Variants in RASGEF1C observed in about 807,000 individuals in gnomAD.
The protein encoded by RASGEF1C is ras-GEF domain-containing family member 1C.
In RASGEF1C, 27 loss-of-function variants were observed where a neutral mutation model predicts 58.1. The observed-to-expected ratio is 0.46, with a 90% CI of 0.34 to 0.64. RASGEF1C has a LOEUF of 0.64. Among genes scored for constraint, RASGEF1C ranks in the 30% least tolerant of loss-of-function variants. RASGEF1C has a pLI of 0.01. For missense variants in RASGEF1C, 502 were observed against 605.1 expected (o/e 0.83, Z 1.79); for synonymous variants, 243 against 246.3 (o/e 0.99, Z 0.13).
At chr5:180,121,221 G>C in intron 6 of RASGEF1C, 72 bp from the exon 7 acceptor site, 1 of 1,029,584 alleles carries the variant, frequency 9.7e-7, no homozygotes, top group Non-Finnish European at 1.5e-6. Context: ...CATGAAGTCA[G>C]TTCATGATCC....
intron 1 of RASGEF1C, among the ~76,000 whole-genome samples, chr5:180,152,398 T>A (rs1405374848): frequency 6.6e-6 from 1 of 151,560 alleles, no homozygotes; most frequent in Non-Finnish European, 1.5e-5. Context: ...AAATGAAGAG[T>A]TCATGTCTTT....
chr5:180,131,278 G>T (rs1766363885), intron 4 of RASGEF1C, among the ~76,000 whole-genome samples: 1 of 152,184 alleles, frequency 6.6e-6, no homozygotes, highest in South Asian at 2.1e-4. Context: ...CTCTGGCCAG[G>T]CTTGGTGGCC....
rs562660128 is a variant in RASGEF1C at position 180,150,548 on chromosome 5, G to A, written c.-6-12490C>T. Among the ~76,000 whole-genome samples, 61 of 151,618 alleles carry A rather than the reference G, an allele frequency of 4.0e-4. 1 individual carries two copies. The highest frequency in any genetic ancestry group is 1.5e-4 in the Non-Finnish European group (10 of 67,918). On this transcript the variant is annotated intron_variant, in intron 1 of 13. Transcript: ENST00000361132. ...CAGGGATTAAAAAAAAAAAAATGTT[G>A]GCTGGGTGCTGTGGCTCACACCTGT...
chr5:180,190,803 C>T (rs986248398), intron 1 of RASGEF1C, among the ~76,000 whole-genome samples: 3 of 152,212 alleles, frequency 2.0e-5, no homozygotes, highest in South Asian at 2.1e-4. Context: ...AACACCAAAA[C>T]ATGATTTTAA....
At chr5:180,139,817 C>G (rs10903248) in intron 1 of RASGEF1C, among the ~76,000 whole-genome samples, 140,175 of 152,240 alleles carry the variant, frequency 0.92, 65,658 homozygotes, top group East Asian at 1. Context: ...TGCCCAGGGC[C>G]CGGCAGCTCA....
intron 1 of RASGEF1C, among the ~76,000 whole-genome samples, chr5:180,146,480 G>C (rs1422703407): frequency 1.3e-5 from 2 of 151,856 alleles, no homozygotes; most frequent in African/African-American, 2.4e-5. Flanking sequence ...TGTTGAGGTA[G>C]TTTCCTTCTA....
intron 1 of RASGEF1C, among the ~76,000 whole-genome samples, chr5:180,191,340 G>A (rs1220655774): frequency 6.6e-6 from 1 of 150,392 alleles, no homozygotes; most frequent in African/African-American, 2.4e-5. Context: ...GCTTATAAAT[G>A]TTCACAGTAG....
chr5:180,184,572 A>C (rs1387783346), intron 1 of RASGEF1C, among the ~76,000 whole-genome samples: 2 of 152,168 alleles, frequency 1.3e-5, no homozygotes, highest in African/African-American at 4.8e-5. Flanking sequence ...GCAAGACTCC[A>C]TCTCAAAAAA....
chr5:180,174,774 G>A (rs963227844), intron 1 of RASGEF1C, among the ~76,000 whole-genome samples: 3 of 152,152 alleles, frequency 2.0e-5, no homozygotes, highest in Admixed American at 6.5e-5. Flanking sequence ...ACACACGATC[G>A]TGACCGGTTC....
chr5:180,141,073 G>A (rs1474965763), intron 1 of RASGEF1C, among the ~76,000 whole-genome samples: 1 of 152,208 alleles, frequency 6.6e-6, no homozygotes, highest in Non-Finnish European at 1.5e-5. Context: ...TAGTCTTTCT[G>A]TAGCTTCTTT....
intron 4 of RASGEF1C, among the ~76,000 whole-genome samples, chr5:180,134,300 TC>T (rs1272018305): frequency 6.6e-6 from 1 of 151,836 alleles, no homozygotes; most frequent in African/African-American, 2.4e-5. Context: ...CCTATTCCAG[TC>T]CACACTACAC....
In RASGEF1C at chr5:180,155,221, C is replaced by A. The variant is rs1249955196; in HGVS notation, c.-6-17163G>T. ...TATGCTAGCTCATGTCTGGCTGCCC[C>A]GAGCAGTGGTAGCATCACGTCTAGG... On this transcript the variant is annotated intron_variant, in intron 1 of 13. Transcript: ENST00000361132. The surrounding 1 kb of genome is among the most constrained non-coding windows in gnomAD (Gnocchi z 5.2). Among the ~76,000 whole-genome samples, 1 of 152,174 alleles carries A rather than the reference C, an allele frequency of 6.6e-6. No individual in the cohort carries two copies. The highest frequency in any genetic ancestry group is 1.5e-5 in the Non-Finnish European group (1 of 68,042).
intron 13 of RASGEF1C, among the ~76,000 whole-genome samples, chr5:180,101,775 A>T (rs1765788190): frequency 6.6e-6 from 1 of 152,222 alleles, no homozygotes; most frequent in Non-Finnish European, 1.5e-5. Flanking sequence ...TCTGGCATAC[A>T]AATATAGACT....
At position 180,102,079 on chromosome 5, in the gene RASGEF1C, T is replaced by A; in HGVS notation, c.1368A>T (p.Lys456Asn). ...PENQTEKERWKALRSSILGKT is the reference protein window; with the variant it reads ...PENQTEKERWNALRSSILGKT The stretch of plus-strand genomic sequence containing the variant: ...TTGGCAGGAAGACTCACCTTAGAGC[T>A]TTCCATCTTTCTTTTTCTGTTTGGT... Residue 456 changes from lysine (K) to asparagine (N), a missense_variant, in exon 13 of 14, where the codon AAA becomes AAT. Coordinates refer to ENST00000361132, the MANE Select transcript of RASGEF1C (RefSeq NM_175062.4). 6.3e-7 allele frequency: 1 copy of A among 1,594,176 alleles called. No individual in the cohort carries two copies. The highest frequency in any genetic ancestry group is 1.3e-5 in the African/African-American group (1 of 74,710).
At chr5:180,151,422 C>T (rs1002368825) in intron 1 of RASGEF1C, among the ~76,000 whole-genome samples, 9 of 152,308 alleles carry the variant, frequency 5.9e-5, no homozygotes, top group African/African-American at 2.2e-4. Flanking sequence ...TGCATATCTA[C>T]AACTATCTGA....
chr5:180,174,449 TG>T (rs1384998845), intron 1 of RASGEF1C, among the ~76,000 whole-genome samples: 22,785 of 149,066 alleles, frequency 0.15, 1,834 homozygotes, highest in African/African-American at 0.22. Context: ...TCTGTGCATG[TG>T]CGTGTGTGCA....
chr5:180,204,656 ATCTC>A (rs1214009556), intron 1 of RASGEF1C, among the ~76,000 whole-genome samples: 1 of 144,490 alleles, frequency 6.9e-6, no homozygotes, highest in Non-Finnish European at 1.5e-5. Flanking sequence ...CTATCTATCT[ATCTC>A]ATCTATCTAT....
At chr5:180,169,229 ATATT>A (rs1275303110) in intron 1 of RASGEF1C, among the ~76,000 whole-genome samples, 2 of 152,236 alleles carry the variant, frequency 1.3e-5, no homozygotes, top group African/African-American at 4.8e-5. Context: ...ATTACAAAAT[ATATT>A]TATTTTAACA....
At chr5:180,153,230 C>T (rs1026048759) in intron 1 of RASGEF1C, among the ~76,000 whole-genome samples, 5 of 152,180 alleles carry the variant, frequency 3.3e-5, no homozygotes, top group African/African-American at 9.7e-5. Flanking sequence ...TCTGCACATC[C>T]GTGCTCAGAG....
Sources: gnomAD v4.1 joint callset for allele counts (sites outside exome capture counted in the v4.1 genomes callset) on GRCh38, gnomAD v4.1.1 for gene constraint, Gnocchi (gnomAD v3.1) non-coding constraint, MANE v1.5 for transcripts, NCBI Gene and HGNC (gene_info 2026-07-23, HGNC 2026-07-21) for gene names.